RNPS1: variants seen among roughly 807,000 people sequenced by gnomAD.
The protein encoded by RNPS1 is RNA-binding protein with serine-rich domain 1.
For synonymous variants in RNPS1, 147 were observed against 150.0 expected, an observed-to-expected ratio of 0.98 and a Z score of 0.15; for missense variants, 300 against 427.6, an observed-to-expected ratio of 0.70 and a Z score of 2.63.
chr16:2,255,453 T>C (rs2093573703), intron 7 of RNPS1, 132 bp downstream of exon 7: 8 of 1,087,690 alleles, frequency 7.4e-6, no homozygotes, highest in Non-Finnish European at 1.1e-5. Flanking sequence ...CCATGAGCTC[T>C]GAAGGGCTCC....
At chr16:2,267,018 C>T (rs1001568368) in intron 1 of RNPS1, 19 of 347,742 alleles carry the variant, frequency 5.5e-5, no homozygotes, top group African/African-American at 3.4e-4. Flanking sequence ...TCCAGCCCCA[C>T]CCCCCCAAGA....
Position 2,262,259 on chromosome 16 carries a change from A to G in RNPS1, c.676+19T>C. ...GGCGGGTCTCTGAGAGGTCAGGGTT[A>G]TGTGGCAGGGTCACCCACCTCCATC... On this transcript the variant is annotated intron_variant, in intron 6 of 7. Transcript: ENST00000320225. The G allele has an allele frequency of 1.2e-6, 2 of 1,611,224 alleles. No homozygotes were observed. The highest frequency in any genetic ancestry group is 8.5e-7 in the Non-Finnish European group (1 of 1,179,106).
At chr16:2,265,425 T>C (rs1170458610) in intron 1 of RNPS1, 2 of 151,964 alleles carry the variant, frequency 1.3e-5, no homozygotes, top group Non-Finnish European at 2.9e-5. Context: ...GATTGATGGG[T>C]GGCTAGATAC....
intron 6 of RNPS1, among the ~76,000 whole-genome samples, chr16:2,261,650 C>G (rs2093603536): frequency 1.3e-5 from 2 of 152,182 alleles, no homozygotes; most frequent in African/African-American, 4.8e-5. Context: ...TATACAAAGG[C>G]TGGGATATAA....
chr16:2,254,368 G>C (rs564519779), intron 7 of RNPS1, among the ~76,000 whole-genome samples: 10 of 150,780 alleles, frequency 6.6e-5, no homozygotes, highest in African/African-American at 2.2e-4. Flanking sequence ...TGAGTGCAGA[G>C]GCGCAATCTC....
intron 7 of RNPS1, 84 bp from the exon 8 acceptor site, chr16:2,254,147 T>C (rs996132518): frequency 2.1e-5 from 22 of 1,036,324 alleles, no homozygotes; most frequent in East Asian, 2.9e-5. Context: ...CCCATAGTTT[T>C]ACTTTTTGAG....
Position 2,253,772 on chromosome 16 carries a change from C to T in RNPS1, c.*192G>A, listed in dbSNP as rs777365467. 3 of 694,560 alleles carry T rather than the reference C, an allele frequency of 4.3e-6. No homozygotes were observed. The highest frequency in any genetic ancestry group is 7.9e-6 in the Non-Finnish European group (3 of 379,874). The allele number at this position is 694,560 out of a possible 1,614,324, so 43.0% of individuals were successfully genotyped here. A position where few individuals can be genotyped will look rare whatever the true frequency, so the allele number is the denominator to read the frequency against. ...GCCAGAAAACCGGAGGGAATCTTGACAGGCACACAGCATCCAAACCAACAG... is the reference window on the plus strand; with the variant it reads ...GCCAGAAAACCGGAGGGAATCTTGATAGGCACACAGCATCCAAACCAACAG... On this transcript the variant is annotated 3_prime_UTR_variant, in exon 8 of 8. Coordinates refer to ENST00000320225, the MANE Select transcript of RNPS1 (RefSeq NM_080594.4).
chr16:2,254,795 G>A (rs1263815381), intron 7 of RNPS1, among the ~76,000 whole-genome samples: 4 of 142,896 alleles, frequency 2.8e-5, no homozygotes, highest in Non-Finnish European at 4.5e-5. Context: ...AGGCTGGAGT[G>A]CAGTGGCATG....
At position 2,264,026 on chromosome 16, in the gene RNPS1, C is replaced by A; in HGVS notation, c.227+150G>T. Reference sequence around the variant, plus strand: ...ATTATAGGCATGAGCCACCACTGCACCTAGCCAGTCTGCCATAAATTAGGG... The same window carrying A: ...ATTATAGGCATGAGCCACCACTGCAACTAGCCAGTCTGCCATAAATTAGGG... On this transcript the variant is annotated intron_variant, in intron 3 of 7. Transcript: ENST00000320225. 4.2e-6 allele frequency: 4 copies of A among 945,384 alleles called. No individual in the cohort carries two copies. The South Asian group carries it at 4.9e-5, about 12-fold the overall frequency. 58.6% of individuals were successfully genotyped at this position (945,384 alleles called of 1,614,324 possible). A position where few individuals can be genotyped will look rare whatever the true frequency, so the allele number is the denominator to read the frequency against.
At chr16:2,266,864 C>CT (rs2093626994) in intron 1 of RNPS1, 1 of 353,452 alleles carries the variant, frequency 2.8e-6, no homozygotes, top group African/African-American at 2.2e-5. Context: ...TAAAAGTTTG[C>CT]TTTTTTCCTA....
chr16:2,254,006 G>C lies in RNPS1; in HGVS notation c.876C>G (p.Arg292=). The C allele has an allele frequency of 1.3e-6, 2 of 1,532,926 alleles. No individual in the cohort carries two copies. The highest frequency in any genetic ancestry group is 2.5e-5 in the South Asian group (2 of 81,508). 95.0% of individuals were successfully genotyped at this position (1,532,926 alleles called of 1,614,324 possible). Residue 292 remains arginine (R), a synonymous_variant, in exon 8 of 8, where the codon CGC becomes CGG. Coordinates refer to ENST00000320225, the MANE Select transcript of RNPS1 (RefSeq NM_080594.4). The stretch of plus-strand genomic sequence containing the variant: ...AGCTGGAGCGGCTCCTGTGGCGGCG[G>C]CGGCCCGGGGACCGTGATCTCCGGC... ...PVRRRSRSPG[R]RRHRSRSSSN... is the part of the protein sequence containing the mutation.
At chr16:2,266,322 T>C in intron 1 of RNPS1, 3 of 985,474 alleles carry the variant, frequency 3.0e-6, no homozygotes, top group Non-Finnish European at 3.6e-6. Context: ...TGTTTTGCTT[T>C]AGAACAGTAA....
intron 6 of RNPS1, among the ~76,000 whole-genome samples, chr16:2,260,229 C>T (rs945382285): frequency 1.9e-4 from 26 of 137,910 alleles, no homozygotes; most frequent in Admixed American, 1.4e-3. Flanking sequence ...AATCTTGGCT[C>T]GCTGCAATCC....
At chr16:2,263,359 T>C in intron 3 of RNPS1, 72 bp from the exon 4 acceptor site, 14 of 1,494,196 alleles carry the variant, frequency 9.4e-6, no homozygotes, top group Non-Finnish European at 1.2e-5. Context: ...TCCAATTCTG[T>C]TGTGCTCCCC....
At chr16:2,267,631 G>T in intron 1 of RNPS1, 4 of 1,076,744 alleles carry the variant, frequency 3.7e-6, no homozygotes, top group Non-Finnish European at 4.5e-6. Context: ...CCGACACGCC[G>T]ACCTCGCCGC....
chr16:2,255,444 C>T (rs2093573624), intron 7 of RNPS1, 141 bp downstream of exon 7: 6 of 972,148 alleles, frequency 6.2e-6, no homozygotes, highest in Non-Finnish European at 9.1e-6. Context: ...CTGCTCTCTC[C>T]ATGAGCTCTG....
chr16:2,264,028 T>C, intron 3 of RNPS1, 148 bp downstream of exon 3: 1 of 942,964 alleles, frequency 1.1e-6, no homozygotes, highest in African/African-American at 1.7e-5. Context: ...CCACTGCACC[T>C]AGCCAGTCTG....
intron 2 of RNPS1, 120 bp from the exon 3 acceptor site, chr16:2,264,451 A>C: frequency 6.5e-7 from 1 of 1,527,950 alleles, no homozygotes; most frequent in Non-Finnish European, 9.0e-7. Flanking sequence ...CACAGAGCAA[A>C]GTGGTCTGTG....
chr16:2,255,785 A>G, intron 6 of RNPS1, 59 bp from the exon 7 acceptor site: 1 of 1,557,900 alleles, frequency 6.4e-7, no homozygotes, highest in Non-Finnish European at 8.8e-7. Flanking sequence ...TAGACAATGC[A>G]TGCCACAGTG....
Sources: gnomAD v4.1 joint callset for allele counts (sites outside exome capture counted in the v4.1 genomes callset) on GRCh38, gnomAD v4.1.1 for gene constraint, MANE v1.5 for transcripts, NCBI Gene and HGNC (gene_info 2026-07-23, HGNC 2026-07-21) for gene names.